Variants in GPC5 observed in about 807,000 individuals in gnomAD.
GPC5 encodes glypican-5.
A neutral mutation model predicts 53.9 loss-of-function variants in GPC5; 47 were observed. That is an observed-to-expected ratio of 0.87 (90% confidence interval 0.69 to 1.11). The LOEUF (loss-of-function observed/expected upper bound fraction) is 1.11, where lower values mean the gene tolerates loss of function less well. Ranked by LOEUF, GPC5 falls within the 50% of genes most tolerant of loss-of-function variation. GPC5 has a pLI of 0.00. For synonymous variants in GPC5, 286 were observed against 263.3 expected (o/e 1.09, Z -0.84); for missense variants, 748 against 713.1 (o/e 1.05, Z -0.56).
In GPC5 at chr13:92,730,620, G is replaced by T. The variant is rs923916446; in HGVS notation, c.1562-135662G>T. Among the ~76,000 whole-genome samples, 3 of 150,302 alleles carry T rather than the reference G, an allele frequency of 2.0e-5. No homozygotes were observed. The Admixed American group carries it at 2.0e-4, about 10-fold the overall frequency. On this transcript the variant is annotated intron_variant, in intron 7 of 7. Transcript: ENST00000377067. ...TTTTTATTTCTTTTTTTTTGCAAGC[G>T]GATGTCCAATTGTTCCAGTATCATT...
intron 7 of GPC5, among the ~76,000 whole-genome samples, chr13:92,419,094 G>T (rs1446385578): frequency 6.6e-6 from 1 of 152,162 alleles, no homozygotes; most frequent in Non-Finnish European, 1.5e-5. Flanking sequence ...ACTCAGGGAA[G>T]CATTTAAGAC....
At chr13:92,551,918 TAA>T (rs1255229861) in intron 7 of GPC5, among the ~76,000 whole-genome samples, 4 of 151,854 alleles carry the variant, frequency 2.6e-5, no homozygotes, top group African/African-American at 9.7e-5. Flanking sequence ...TTTAGCTGTT[TAA>T]AGAGTTTATA....
intron 7 of GPC5, among the ~76,000 whole-genome samples, chr13:92,860,879 T>C (rs972319583): frequency 1.3e-5 from 2 of 152,088 alleles, no homozygotes; most frequent in African/African-American, 4.8e-5. Context: ...GAGAAACATA[T>C]TTGTATTATT....
intron 6 of GPC5, among the ~76,000 whole-genome samples, chr13:92,015,822 A>T (rs2040701729): frequency 6.6e-6 from 1 of 152,260 alleles, no homozygotes; most frequent in South Asian, 2.1e-4. Flanking sequence ...CCAAGCAGAT[A>T]AATGAATGAA....
At chr13:91,579,860 C>T (rs1364644385) in intron 2 of GPC5, among the ~76,000 whole-genome samples, 3 of 151,752 alleles carry the variant, frequency 2.0e-5, no homozygotes, top group Admixed American at 6.6e-5. Flanking sequence ...CTCCTGACCT[C>T]GTCATCTGCC....
At chr13:92,392,558 C>T (rs1233008916) in intron 7 of GPC5, among the ~76,000 whole-genome samples, 1 of 152,164 alleles carries the variant, frequency 6.6e-6, no homozygotes, top group East Asian at 1.9e-4. Flanking sequence ...CAAGTGGGAT[C>T]TAATTCACCT....
rs1270225379 is a variant in GPC5 at position 92,599,369 on chromosome 13, G to T, written c.1562-266913G>T. On this transcript the variant is annotated intron_variant, in intron 7 of 7. Transcript: ENST00000377067. ...GGGATTCGCTAGAGTAATGAGAAAAGTCGGCTTGAAGATGGAAGAGCGGGG... is the reference window on the plus strand; with the variant it reads ...GGGATTCGCTAGAGTAATGAGAAAATTCGGCTTGAAGATGGAAGAGCGGGG... Among the ~76,000 whole-genome samples, 2 of 152,286 alleles carry T rather than the reference G, an allele frequency of 1.3e-5. 1 individual carries two copies. The highest frequency in any genetic ancestry group is 4.8e-5 in the African/African-American group (2 of 41,564).
chr13:92,850,111 C>A (rs894479124), intron 7 of GPC5, among the ~76,000 whole-genome samples: 1 of 152,154 alleles, frequency 6.6e-6, no homozygotes, highest in African/African-American at 2.4e-5. Flanking sequence ...AATAAATATA[C>A]AACCTTTTTT....
At chr13:92,044,812 G>A (rs1456784557) in intron 6 of GPC5, among the ~76,000 whole-genome samples, 1 of 152,166 alleles carries the variant, frequency 6.6e-6, no homozygotes, top group Non-Finnish European at 1.5e-5. Context: ...TTTCCTAAGA[G>A]AGTTTTTAAT....
chr13:91,421,844 C>T (rs938935040), intron 1 of GPC5, among the ~76,000 whole-genome samples: 2 of 152,182 alleles, frequency 1.3e-5, no homozygotes, highest in Admixed American at 6.5e-5. Flanking sequence ...TTTTAAAGTG[C>T]TCCATATATT....
At chr13:91,477,233 T>C (rs988535307) in intron 2 of GPC5, among the ~76,000 whole-genome samples, 2 of 152,114 alleles carry the variant, frequency 1.3e-5, no homozygotes, top group African/African-American at 4.8e-5. Flanking sequence ...GGCAAGAAAT[T>C]ATAAGGCCCT....
chr13:91,447,170 G>T (rs1880867618), intron 1 of GPC5, among the ~76,000 whole-genome samples: 1 of 152,174 alleles, frequency 6.6e-6, no homozygotes, highest in Non-Finnish European at 1.5e-5. Flanking sequence ...ATGATCTGCT[G>T]TTATTGTTCT....
intron 2 of GPC5, among the ~76,000 whole-genome samples, chr13:91,450,061 TAAATA>T (rs936940147): frequency 2.0e-5 from 3 of 152,166 alleles, no homozygotes; most frequent in Non-Finnish European, 2.9e-5. Flanking sequence ...TGATAGTTAT[TAAATA>T]AAATAAATGC....
At chr13:91,671,627 A>G (rs962769316) in intron 2 of GPC5, among the ~76,000 whole-genome samples, 1 of 152,066 alleles carries the variant, frequency 6.6e-6, no homozygotes, top group African/African-American at 2.4e-5. Context: ...GGAAGAATCA[A>G]TATTGTGGAA....
intron 3 of GPC5, among the ~76,000 whole-genome samples, chr13:91,716,390 T>A (rs2036339590): frequency 6.6e-6 from 1 of 152,236 alleles, no homozygotes; most frequent in South Asian, 2.1e-4. Flanking sequence ...CGTGAGAGAC[T>A]ATTGGTTTCT....
chr13:92,323,132 GTC>G (rs2043226793), intron 7 of GPC5, among the ~76,000 whole-genome samples: 1 of 151,150 alleles, frequency 6.6e-6, no homozygotes, highest in Non-Finnish European at 1.5e-5. Flanking sequence ...AAAAAAATAA[GTC>G]TATGAAATCG....
At chr13:92,228,042 C>T (rs945900896) in intron 7 of GPC5, among the ~76,000 whole-genome samples, 7 of 151,350 alleles carry the variant, frequency 4.6e-5, no homozygotes, top group Admixed American at 4.0e-4. Context: ...TAAAGTGGAT[C>T]GTCATAAAGA....
chr13:92,456,672 G>A (rs1294439187), intron 7 of GPC5, among the ~76,000 whole-genome samples: 1 of 152,142 alleles, frequency 6.6e-6, no homozygotes, highest in East Asian at 1.9e-4. Context: ...CATGAAGCCA[G>A]CATTTCTGTC....
intron 7 of GPC5, among the ~76,000 whole-genome samples, chr13:92,714,354 T>C (rs927033543): frequency 4.6e-5 from 7 of 152,218 alleles, no homozygotes; most frequent in Non-Finnish European, 1.0e-4. Flanking sequence ...ATTTTTCATG[T>C]GACTATGAAC....
Sources: gnomAD v4.1 joint callset for allele counts (sites outside exome capture counted in the v4.1 genomes callset) on GRCh38, gnomAD v4.1.1 for gene constraint, MANE v1.5 for transcripts, NCBI Gene and HGNC (gene_info 2026-07-23, HGNC 2026-07-21) for gene names.